The following GPATCH2 variants were observed in gnomAD, a reference collection of about 807,000 sequenced individuals.
The protein encoded by GPATCH2 is G-patch domain containing 2.
Under a neutral mutation model 58.0 loss-of-function variants are expected in GPATCH2, and 51 were observed. The observed-to-expected ratio is 0.88, with a 90% confidence interval of 0.70 to 1.11. The LOEUF is 1.11. GPATCH2 is among the 50% of genes most tolerant of loss of function. The pLI is 0.00. For missense variants in GPATCH2, 625 were observed against 652.2 expected (o/e 0.96, Z 0.45); for synonymous variants, 222 against 218.5 (o/e 1.02, Z -0.14).
At chr1:217,617,470 T>C (rs974960808) in intron 2 of GPATCH2, among the ~76,000 whole-genome samples, 4 of 152,162 alleles carry the variant, frequency 2.6e-5, no homozygotes, top group African/African-American at 9.7e-5. Flanking sequence ...GTCTCCATTA[T>C]TAGTCCAGGT....
chr1:217,556,374 A>C (rs999631321), intron 5 of GPATCH2, among the ~76,000 whole-genome samples: 1 of 152,158 alleles, frequency 6.6e-6, no homozygotes, highest in Non-Finnish European at 1.5e-5. Context: ...TTCTCTTTCT[A>C]TTCATTAGTT....
chr1:217,493,860 C>T (rs1661871562), intron 7 of GPATCH2, among the ~76,000 whole-genome samples: 2 of 151,884 alleles, frequency 1.3e-5, no homozygotes. Context: ...ATTATGTTTT[C>T]TAATTCTAAG....
chr1:217,479,220 C>T (rs922886885), intron 8 of GPATCH2, among the ~76,000 whole-genome samples: 2 of 151,950 alleles, frequency 1.3e-5, no homozygotes, highest in African/African-American at 4.8e-5. Flanking sequence ...AGTAAGTACA[C>T]AGAAAAACAC....
At chr1:217,540,049 C>T (rs115544038) in intron 5 of GPATCH2, among the ~76,000 whole-genome samples, 15 of 152,242 alleles carry the variant, frequency 9.9e-5, no homozygotes, top group Non-Finnish European at 1.9e-4. Context: ...TTTCCAATCT[C>T]AGAACTGCAT....
chr1:217,530,470 C>T (rs1664134919), intron 5 of GPATCH2, among the ~76,000 whole-genome samples: 1 of 152,134 alleles, frequency 6.6e-6, no homozygotes, highest in Non-Finnish European at 1.5e-5. Context: ...AAAGTACAAT[C>T]TCAATAATAA....
intron 5 of GPATCH2, among the ~76,000 whole-genome samples, chr1:217,543,020 T>C (rs1450644526): frequency 6.6e-6 from 1 of 152,274 alleles, no homozygotes; most frequent in East Asian, 1.9e-4. Flanking sequence ...GAACTAAAAC[T>C]GCTAAACACC....
chr1:217,610,841 G>T, intron 4 of GPATCH2, 48 bp downstream of exon 4: 1 of 1,285,060 alleles, frequency 7.8e-7, no homozygotes, highest in South Asian at 1.3e-5. Flanking sequence ...AATATTCCTA[G>T]ACTGACCTTA....
At chr1:217,517,441 AT>A (rs1243007676) in intron 5 of GPATCH2, among the ~76,000 whole-genome samples, 1 of 152,146 alleles carries the variant, frequency 6.6e-6, no homozygotes, top group Non-Finnish European at 1.5e-5. Flanking sequence ...CTTACCTAAA[AT>A]TTGAGAACAA....
intron 5 of GPATCH2, among the ~76,000 whole-genome samples, chr1:217,523,727 T>TGACCCCCCCA (rs1663610685): frequency 6.7e-6 from 1 of 149,272 alleles, no homozygotes; most frequent in African/African-American, 2.5e-5. Context: ...GCAGAGGGGC[T>TGACCCCCCCA]CCTCACTTCC....
chr1:217,511,886 A>T (rs905725305), intron 6 of GPATCH2, among the ~76,000 whole-genome samples: 1 of 152,092 alleles, frequency 6.6e-6, no homozygotes, highest in African/African-American at 2.4e-5. Context: ...TTTGTGTAAA[A>T]GAAAATTCCC....
intron 2 of GPATCH2, among the ~76,000 whole-genome samples, chr1:217,618,364 C>T (rs1669001706): frequency 6.6e-6 from 1 of 151,834 alleles, no homozygotes; most frequent in South Asian, 2.1e-4. Context: ...CACATCACCA[C>T]ACTCGGCTAA....
At chr1:217,533,565 G>T (rs1246283544) in intron 5 of GPATCH2, among the ~76,000 whole-genome samples, 2 of 152,176 alleles carry the variant, frequency 1.3e-5, no homozygotes, top group Non-Finnish European at 2.9e-5. Flanking sequence ...TCTCAGACTA[G>T]CAGCATCTAG....
chr1:217,473,536 A>T (rs760643536), intron 8 of GPATCH2, among the ~76,000 whole-genome samples: 3 of 152,162 alleles, frequency 2.0e-5, no homozygotes, highest in Non-Finnish European at 4.4e-5. Context: ...ACAGAATGGC[A>T]CGAACAAACC....
intron 3 of GPATCH2, 121 bp from the exon 4 acceptor site, chr1:217,611,192 G>A: frequency 2.3e-6 from 2 of 857,514 alleles, no homozygotes; most frequent in Non-Finnish European, 1.8e-6. Context: ...TGAGATCAAT[G>A]ACTAACTTTT....
chr1:217,462,860 C>T (rs1449475028), intron 8 of GPATCH2, among the ~76,000 whole-genome samples: 1 of 152,160 alleles, frequency 6.6e-6, no homozygotes, highest in Non-Finnish European at 1.5e-5. Context: ...AAGTTCAATT[C>T]CTGCTCCCTT....
In GPATCH2 at chr1:217,477,228, C is replaced by T. The variant is rs146484399; in HGVS notation, c.1277+14452G>A. On this transcript the variant is annotated intron_variant, in intron 8 of 9. Coordinates refer to ENST00000366935, the MANE Select transcript of GPATCH2 (RefSeq NM_018040.5). ...CCTTTGGGCCCTGTATAACAAGCAG[C>T]GATACCTAGGTACCACACTGAGGGC... 6.6e-3 allele frequency among the ~76,000 whole-genome samples: 1,004 copies of T among 152,172 alleles called. 13 individuals are homozygous for T. Among genetic ancestry groups the T allele is most frequent in the African/African-American group, 0.023 (963 of 41,498 alleles).
At position 217,620,147 on chromosome 1, in the gene GPATCH2, G is replaced by C. The variant is rs1284385096; in HGVS notation, c.409C>G (p.Arg137Gly). 6.2e-7 allele frequency: 1 copy of C among 1,613,884 alleles called. No individual in the cohort carries two copies. The change falls in exon 2 of 10, where the codon CGA becomes GGA. Residue 137 changes from arginine to glycine, a missense_variant. By Grantham distance (125) the Arg-to-Gly change is moderately radical. Transcript: ENST00000366935. ...RPSSNLNNNVRGKRPLWHESD... is the reference protein window; with the variant it reads ...RPSSNLNNNVGGKRPLWHESD... The stretch of plus-strand genomic sequence containing the variant: ...TCATGCCATAGAGGTCTTTTCCCTC[G>C]AACATTATTATTTAAGTTTGATGAC...
At position 217,463,641 on chromosome 1, in the gene GPATCH2, C is replaced by CAAAAAAAAA. The variant is rs201402598; in HGVS notation, c.1278-14313_1278-14305dup. Among the ~76,000 whole-genome samples the CAAAAAAAAA allele has an allele frequency of 7.8e-4, 64 of 82,464 alleles. 4 individuals are homozygous for CAAAAAAAAA. The highest frequency in any genetic ancestry group is 1.2e-3 in the South Asian group (3 of 2,468). The allele number at this position is 82,464 out of a possible 152,430, so 54.1% of individuals were successfully genotyped here. On this transcript the variant is annotated intron_variant, in intron 8 of 9. Transcript: ENST00000366935. ...GCAACATAGCAAGAACTTATCACTC[C>CAAAAAAAAA]AAAAAAAAAAAAAAAAAAAAAAAAA...
chr1:217,434,466 A>G (rs1658715178), intron 9 of GPATCH2, among the ~76,000 whole-genome samples: 1 of 152,218 alleles, frequency 6.6e-6, no homozygotes, highest in Non-Finnish European at 1.5e-5. Context: ...CTAATCAGGT[A>G]TGCCAGGTTA....
Sources: allele counts gnomAD v4.1 joint callset (sites outside exome capture counted in the v4.1 genomes callset), GRCh38; gene constraint gnomAD v4.1.1; transcripts MANE v1.5; gene names NCBI Gene and HGNC (gene_info 2026-07-23, HGNC 2026-07-21).